Variants in TLCD4 observed in about 807,000 individuals in gnomAD.
TLCD4 encodes TLC domain containing 4.
In TLCD4, 7 loss-of-function variants were observed where a neutral mutation model predicts 24.2. That is an observed-to-expected ratio of 0.29 (90% confidence interval 0.16 to 0.54). TLCD4 has a LOEUF of 0.54. Ranked by LOEUF, TLCD4 falls within the 20% of genes least tolerant of loss-of-function variation. The pLI is 0.95. For synonymous variants in TLCD4, 103 were observed against 106.4 expected (o/e 0.97, Z 0.20); for missense variants, 259 against 313.9 (o/e 0.82, Z 1.32).
At chr1:95,099,958 C>G in the TLCD4 span, among the ~76,000 whole-genome samples, 126 of 151,214 alleles carry the variant, frequency 8.3e-4, no homozygotes, top group African/African-American at 3.0e-3. Context: ...TTGGTGAAAC[C>G]CCCCCTCTAC....
At position 95,174,155 on chromosome 1, in the gene TLCD4, T is replaced by C. The variant is rs1033816463; in HGVS notation, c.473+266T>C. On this transcript the variant is annotated intron_variant, in intron 6 of 6. Coordinates refer to ENST00000370203, the MANE Select transcript of TLCD4 (RefSeq NM_152487.3). Reference sequence around the variant, plus strand: ...GTGCTTTATGATGCCTGCTTCCAGCTCATTCTTTCACCCTCCACGTTGTAC... The same window carrying C: ...GTGCTTTATGATGCCTGCTTCCAGCCCATTCTTTCACCCTCCACGTTGTAC... 23 of 469,138 alleles carry C rather than the reference T, an allele frequency of 4.9e-5. No homozygotes were observed. The East Asian group carries it at 8.5e-4, about 17-fold the overall frequency. 29.1% of individuals were successfully genotyped at this position (469,138 alleles called of 1,614,324 possible).
intron 5 of TLCD4, among the ~76,000 whole-genome samples, chr1:95,153,794 T>C (rs1465410613): frequency 2.0e-5 from 3 of 152,116 alleles, no homozygotes; most frequent in African/African-American, 7.2e-5. Flanking sequence ...GATGTCAGCC[T>C]AGAAAAGCTA....
intron 5 of TLCD4, among the ~76,000 whole-genome samples, chr1:95,166,710 TATA>T (rs1345235532): frequency 6.6e-6 from 1 of 152,108 alleles, no homozygotes; most frequent in Non-Finnish European, 1.5e-5. Flanking sequence ...GCCTTGTCTT[TATA>T]ATAAGAAAAT....
chr1:95,156,575 G>C (rs892424622), intron 5 of TLCD4, among the ~76,000 whole-genome samples: 4 of 152,138 alleles, frequency 2.6e-5, no homozygotes, highest in African/African-American at 9.7e-5. Context: ...AAATCTGATT[G>C]GGGAAGAGGA....
At chr1:95,106,028 A>G in the TLCD4 span, among the ~76,000 whole-genome samples, 77,654 of 151,942 alleles carry the variant, frequency 0.51, 21,324 homozygotes, top group Non-Finnish European at 0.6. Flanking sequence ...GAGGAAGTCA[A>G]TGATGACCCC....
At chr1:95,133,383 A>AT (rs66553659) in intron 1 of TLCD4, among the ~76,000 whole-genome samples, 2,288 of 105,778 alleles carry the variant, frequency 0.022, 37 homozygotes, top group East Asian at 0.19. Context: ...TTAAAGTATA[A>AT]TTAAAAAAAA....
At chr1:95,148,679 G>A (rs751400067) in intron 2 of TLCD4, 23 bp from the exon 3 acceptor site, 2 of 1,611,122 alleles carry the variant, frequency 1.2e-6, no homozygotes, top group Non-Finnish European at 1.7e-6. Flanking sequence ...TAAAATCTTT[G>A]TGTGTATTTT....
intron 5 of TLCD4, among the ~76,000 whole-genome samples, chr1:95,156,876 AGTGGCCCATAT>A (rs1677648683): frequency 6.6e-6 from 1 of 152,170 alleles, no homozygotes; most frequent in Admixed American, 6.6e-5. Flanking sequence ...CCCAGGGGAA[AGTGGCCCATAT>A]GCCATTAGAA....
At chr1:95,137,889 A>G (rs747326920) in intron 1 of TLCD4, among the ~76,000 whole-genome samples, 14 of 151,988 alleles carry the variant, frequency 9.2e-5, no homozygotes, top group Non-Finnish European at 1.3e-4. Context: ...GGAATGTGCT[A>G]CTACACCCAG....
upstream of TLCD4, among the ~76,000 whole-genome samples, chr1:95,113,811 G>C (rs1472076633): frequency 6.6e-6 from 1 of 152,080 alleles, no homozygotes; most frequent in Non-Finnish European, 1.5e-5. Flanking sequence ...AGCTATTTAA[G>C]AGGCTAAATG....
intron 1 of TLCD4, among the ~76,000 whole-genome samples, chr1:95,141,402 G>A (rs1341070969): frequency 6.6e-6 from 1 of 152,020 alleles, no homozygotes; most frequent in Admixed American, 6.6e-5. Context: ...TGAGCAGCCC[G>A]TGCCCACCTT....
Position 95,195,800 on chromosome 1 carries a change from C to T in TLCD4, c.*3932C>T, listed in dbSNP as rs1380630773. 6.6e-6 allele frequency: 1 copy of T among 152,136 alleles called. No individual in the cohort carries two copies. The highest frequency in any genetic ancestry group is 1.5e-5 in the Non-Finnish European group (1 of 68,010). 9.4% of individuals were successfully genotyped at this position (152,136 alleles called of 1,614,324 possible). A position where few individuals can be genotyped will look rare whatever the true frequency, so the allele number is the denominator to read the frequency against. On this transcript the variant is annotated 3_prime_UTR_variant, in exon 7 of 7. Coordinates refer to ENST00000370203, the MANE Select transcript of TLCD4 (RefSeq NM_152487.3). ...GGAGTTAGAGGAGGCATTGAGAGTGCTTTTCCCTTAAACGCCGTGATAGTC... is the reference window on the plus strand; with the variant it reads ...GGAGTTAGAGGAGGCATTGAGAGTGTTTTTCCCTTAAACGCCGTGATAGTC...
intron 6 of TLCD4, among the ~76,000 whole-genome samples, chr1:95,182,691 T>C (rs906761843): frequency 1.3e-5 from 2 of 152,154 alleles, no homozygotes; most frequent in African/African-American, 4.8e-5. Context: ...AATACTATTA[T>C]TAAAATAATT....
At chr1:95,176,096 C>T (rs1240150707) in intron 6 of TLCD4, among the ~76,000 whole-genome samples, 1 of 151,778 alleles carries the variant, frequency 6.6e-6, no homozygotes, top group African/African-American at 2.4e-5. Flanking sequence ...TTTTGATCTA[C>T]ATTTTACTTT....
intron 6 of TLCD4, among the ~76,000 whole-genome samples, chr1:95,187,295 G>A (rs1360769782): frequency 6.6e-6 from 1 of 152,172 alleles, no homozygotes; most frequent in African/African-American, 2.4e-5. Context: ...CATACTTTGT[G>A]TGGATTTCTT....
At chr1:95,095,719 T>C in the TLCD4 span, among the ~76,000 whole-genome samples, 1 of 152,204 alleles carries the variant, frequency 6.6e-6, no homozygotes, top group South Asian at 2.1e-4. Context: ...TAATTATGTA[T>C]ACTGTAAAAT....
At chr1:95,191,439 T>C in intron 6 of TLCD4, 111 bp from the exon 7 acceptor site, 19 of 1,350,468 alleles carry the variant, frequency 1.4e-5, no homozygotes, top group Non-Finnish European at 1.9e-5. Flanking sequence ...TATGCTATTC[T>C]AGGCCCTTTG....
chr1:95,126,809 A>G (rs1676749376), intron 1 of TLCD4, among the ~76,000 whole-genome samples: 1 of 152,128 alleles, frequency 6.6e-6, no homozygotes, highest in South Asian at 2.1e-4. Flanking sequence ...AGTGTTTTTT[A>G]AGTCCTACCT....
Position 95,123,795 on chromosome 1 carries a change from A to G in TLCD4, c.-12+6178A>G, listed in dbSNP as rs140161529. On this transcript the variant is annotated intron_variant, in intron 1 of 6. Transcript: ENST00000370203. The stretch of plus-strand genomic sequence containing the variant: ...ATAGTATACATATAACCATATTTCT[A>G]TTGGTGGACCTTGAAGTTACTTCTA... Among the ~76,000 whole-genome samples the G allele has an allele frequency of 1.8e-4, 27 of 152,332 alleles. No homozygotes were observed. The East Asian group carries it at 5.2e-3, about 29-fold the overall frequency.
Sources: allele counts gnomAD v4.1 joint callset (sites outside exome capture counted in the v4.1 genomes callset), GRCh38; gene constraint gnomAD v4.1.1; transcripts MANE v1.5; gene names NCBI Gene and HGNC (gene_info 2026-07-23, HGNC 2026-07-21).